Variants in CD3G observed in about 807,000 individuals in gnomAD.
CD3G encodes the protein CD3 gamma subunit of T-cell receptor complex.
In CD3G, 24 loss-of-function variants were observed where a neutral mutation model predicts 28.3. The observed-to-expected ratio is 0.85, with a 90% CI of 0.61 to 1.19. CD3G has a LOEUF of 1.19. Among genes scored for constraint, CD3G ranks in the 50% most tolerant of loss-of-function variants. The pLI, the probability that CD3G is intolerant of heterozygous loss-of-function variation, is 0.00. For synonymous variants in CD3G, 71 were observed against 75.9 expected (o/e 0.93, Z 0.34); for missense variants, 211 against 210.0 (o/e 1.00, Z -0.03).
At chr11:118,352,533 T>C in intron 6 of CD3G, 46 bp downstream of exon 6, 1 of 1,278,568 alleles carries the variant, frequency 7.8e-7, no homozygotes, top group East Asian at 2.3e-5. Flanking sequence ...TTGCATCAAC[T>C]GCCCTCGCAA....
intron 2 of CD3G, chr11:118,349,281 T>C (rs1260827909): frequency 2.1e-5 from 31 of 1,442,502 alleles, no homozygotes; most frequent in Non-Finnish European, 2.4e-5. Flanking sequence ...AGGACCCTAG[T>C]AGCTAGGGAC....
At chr11:118,351,001 G>A (rs1177783) in intron 4 of CD3G, 1 of 503,022 alleles carries the variant, frequency 2.0e-6, no homozygotes, top group Non-Finnish European at 2.9e-6. Flanking sequence ...ATCCTGGCTA[G>A]CACGGTGAAA....
At chr11:118,349,006 A>C (rs753602973) in intron 1 of CD3G, 21 bp from the exon 2 acceptor site, 1 of 1,614,032 alleles carries the variant, frequency 6.2e-7, no homozygotes, top group Non-Finnish European at 8.5e-7. Context: ...CTAATACTCT[A>C]TCTCTCTTCT....
chr11:118,346,218 G>T (rs973310385), intron 1 of CD3G, among the ~76,000 whole-genome samples: 3 of 152,136 alleles, frequency 2.0e-5, no homozygotes, highest in Admixed American at 2.0e-4. Context: ...TGGATCACCT[G>T]AGGTCAGGAG....
Position 118,344,439 on chromosome 11 carries a change from G to A in CD3G, c.16G>A (p.Gly6Ser), listed in dbSNP as rs1481255896. 2 of 1,571,966 alleles carry A rather than the reference G, an allele frequency of 1.3e-6. No individual in the cohort carries two copies. Among genetic ancestry groups the A allele is most frequent in the East Asian group, 2.3e-5 (1 of 43,178 alleles). The change falls in exon 1 of 7, where the codon GGC becomes AGC. Residue 6 changes from glycine (G) to serine (S), a missense_variant. Physicochemically the swap from Gly to Ser is moderately conservative, Grantham distance 56. Coordinates refer to ENST00000532917, the MANE Select transcript of CD3G (RefSeq NM_000073.3). MEQGK[G>S]LAVLILAIIL... ...AGAGACTGACATGGAACAGGGGAAG[G>A]GCCTGGCTGTCCTCATCCTGGCTAT...
intron 1 of CD3G, 60 bp downstream of exon 1, chr11:118,344,538 T>C (rs1948337722): frequency 2.2e-6 from 3 of 1,366,082 alleles, no homozygotes; most frequent in Non-Finnish European, 3.1e-6. Context: ...AGCCCATCAC[T>C]AGTGAGACAG....
At chr11:118,349,275 C>T in intron 2 of CD3G, 1 of 1,451,080 alleles carries the variant, frequency 6.9e-7, no homozygotes, top group African/African-American at 1.4e-5. Flanking sequence ...AGAAGCAGGA[C>T]CCTAGTAGCT....
At chr11:118,350,292 A>G in intron 3 of CD3G, 1 of 576,860 alleles carries the variant, frequency 1.7e-6, no homozygotes. Context: ...AGCGCAGTGG[A>G]GCATGAAGAG....
Position 118,352,405 on chromosome 11 carries a change from C to A in CD3G, c.485C>A (p.Pro162His). The A allele has an allele frequency of 6.2e-7, 1 of 1,613,546 alleles. No homozygotes were observed. Among genetic ancestry groups the A allele is most frequent in the African/African-American group, 1.3e-5 (1 of 75,010 alleles). The change falls in exon 6 of 7, where the codon CCC becomes CAC. Residue 162 changes from proline to histidine, a missense_variant and splice_region_variant. Coordinates refer to ENST00000532917, the MANE Select transcript of CD3G (RefSeq NM_000073.3). Reference protein sequence around the residue: ...TLLPNDQLYQPLKDREDDQYS... With the variant: ...TLLPNDQLYQHLKDREDDQYS... ...TTATGACTGTGCTGTCCTTTCCAGC[C>A]CCTCAAGGATCGAGAAGATGACCAG...
intron 1 of CD3G, 152 bp downstream of exon 1, chr11:118,344,630 G>A: frequency 2.8e-6 from 2 of 708,980 alleles, no homozygotes; most frequent in Non-Finnish European, 5.1e-6. Flanking sequence ...GCTCTTAACT[G>A]TTCTCTGCTA....
chr11:118,350,163 C>T (rs1294102558), intron 3 of CD3G, 193 bp downstream of exon 3: 1 of 615,830 alleles, frequency 1.6e-6, no homozygotes, highest in Admixed American at 2.8e-5. Context: ...TACAGCCAGT[C>T]CTGTAAAATT....
Position 118,355,071 on chromosome 11 carries a change from A to C in CD3G, c.*1971A>C, listed in dbSNP as rs1173732958. On this transcript the variant is annotated 3_prime_UTR_variant, in exon 7 of 7. Transcript: ENST00000532917. Reference sequence around the variant, plus strand: ...CCTGTCTTCTTTTTATACTTTTTACAGCTTTATGGTTTTAGCTCTAACAAT... The same window carrying C: ...CCTGTCTTCTTTTTATACTTTTTACCGCTTTATGGTTTTAGCTCTAACAAT... 1.3e-5 allele frequency: 2 copies of C among 152,084 alleles called. No individual in the cohort carries two copies. Among genetic ancestry groups the C allele is most frequent in the Non-Finnish European group, 2.9e-5 (2 of 67,986 alleles). The allele number at this position is 152,084 out of a possible 1,614,324, so 9.4% of individuals were successfully genotyped here. A position where few individuals can be genotyped will look rare whatever the true frequency, so the allele number is the denominator to read the frequency against.
chr11:118,352,523 T>C, intron 6 of CD3G, 36 bp downstream of exon 6: 1 of 1,355,790 alleles, frequency 7.4e-7, no homozygotes, highest in Non-Finnish European at 1.1e-6. Context: ...TAAAGGACCC[T>C]TGCATCAACT....
rs1948337002 is a variant in CD3G at position 118,344,495 on chromosome 11, G to T, written c.55+17G>T. 2 of 1,556,934 alleles carry T rather than the reference G, an allele frequency of 1.3e-6. No homozygotes were observed. Among genetic ancestry groups the T allele is most frequent in the East Asian group, 2.4e-5 (1 of 42,156 alleles). ...TTCTTCAAGGTAAGGGCCTACTAGG[G>T]GTCTGGAAGCCTGGGGAAGGGCTCA... On this transcript the variant is annotated intron_variant, in intron 1 of 6. Transcript: ENST00000532917.
At chr11:118,350,889 G>GGAAAAAAAAAAAAAAAAA (rs1555121622) in intron 4 of CD3G, 1 of 523,510 alleles carries the variant, frequency 1.9e-6, no homozygotes, top group Non-Finnish European at 2.4e-6. Flanking sequence ...CTCCCTCTGT[G>GGAAAAAAAAAAAAAAAAA]AAAAAAAAAA....
chr11:118,349,124 C>A, intron 2 of CD3G, 74 bp downstream of exon 2: 8 of 1,613,610 alleles, frequency 5.0e-6, no homozygotes, highest in Non-Finnish European at 6.8e-6. Context: ...AACAGTAGTC[C>A]TACAGGAGCG....
rs990103504 is a variant in CD3G, at chr11:118,353,722, G to A, written c.*622G>A. 1.3e-5 allele frequency: 2 copies of A among 151,652 alleles called. No individual in the cohort carries two copies. The highest frequency in any genetic ancestry group is 4.8e-5 in the African/African-American group (2 of 41,280). 9.4% of individuals were successfully genotyped at this position (151,652 alleles called of 1,614,324 possible). ...ATTTTTGTATTTTTAGTAGAGACAG[G>A]GTTTTGCTCTGTTGGCCAAGCTGGT... On this transcript the variant is annotated 3_prime_UTR_variant, in exon 7 of 7. Coordinates refer to ENST00000532917, the MANE Select transcript of CD3G (RefSeq NM_000073.3).
intron 5 of CD3G, among the ~76,000 whole-genome samples, chr11:118,351,905 A>G (rs771594605): frequency 1.4e-4 from 22 of 152,054 alleles, no homozygotes; most frequent in Non-Finnish European, 2.6e-4. Flanking sequence ...CACACGAAGA[A>G]ACTCTCGACA....
rs1948391546 is a variant in CD3G at position 118,349,967 on chromosome 11, A to G, written c.304A>G (p.Arg102Gly). The change falls in exon 3 of 7, where the codon AGA becomes GGA. Residue 102 changes from arginine to glycine, a missense_variant. Coordinates refer to ENST00000532917, the MANE Select transcript of CD3G (RefSeq NM_000073.3). ...NKSKPLQVYYRMCQNCIELNA... is the reference protein window; with the variant it reads ...NKSKPLQVYYGMCQNCIELNA... ...GTCAAAACCACTCCAAGTGTATTAC[A>G]GAAGTATGTAATCCCCTTTGGTCTG... 4 of 1,610,330 alleles carry G rather than the reference A, an allele frequency of 2.5e-6. No homozygotes were observed. The highest frequency in any genetic ancestry group is 3.4e-6 in the Non-Finnish European group (4 of 1,176,728).
Sources: allele counts gnomAD v4.1 joint callset (sites outside exome capture counted in the v4.1 genomes callset), GRCh38; gene constraint gnomAD v4.1.1; transcripts MANE v1.5; gene names NCBI Gene and HGNC (gene_info 2026-07-23, HGNC 2026-07-21).